CCBE1: variants seen among roughly 807,000 people sequenced by gnomAD.
The protein encoded by CCBE1 is collagen and calcium binding EGF domains 1, also known as collagen and calcium-binding EGF domain-containing protein 1.
CCBE1 carries 37 observed loss-of-function variants against 50.0 expected under a neutral mutation model. That is an observed-to-expected ratio of 0.74 (90% CI 0.57 to 0.97). The LOEUF is 0.97. Ranked by LOEUF, CCBE1 falls within the 50% of genes least tolerant of loss-of-function variation. CCBE1 has a pLI of 0.00. For synonymous variants in CCBE1, 234 were observed against 203.7 expected (o/e 1.15, Z -1.27); for missense variants, 538 against 523.8 (o/e 1.03, Z -0.26).
chr18:59,616,223 G>C (rs1373751940), intron 2 of CCBE1, among the ~76,000 whole-genome samples: 2 of 152,124 alleles, frequency 1.3e-5, no homozygotes, highest in Non-Finnish European at 2.9e-5. Context: ...GTGGGGGAGA[G>C]AGATCAAGAG....
chr18:59,669,468 G>A (rs898189015), intron 2 of CCBE1, among the ~76,000 whole-genome samples: 1 of 152,234 alleles, frequency 6.6e-6, no homozygotes, highest in African/African-American at 2.4e-5. Context: ...GCACTGGAAG[G>A]TGAGGTACAG....
chr18:59,561,408 G>A (rs1217531699), intron 2 of CCBE1, among the ~76,000 whole-genome samples: 1 of 152,198 alleles, frequency 6.6e-6, no homozygotes, highest in Non-Finnish European at 1.5e-5. Context: ...GGGGTGGAGT[G>A]TAAGTTACAT....
intron 6 of CCBE1, among the ~76,000 whole-genome samples, chr18:59,448,400 T>C (rs564633692): frequency 1.3e-5 from 2 of 152,224 alleles, no homozygotes; most frequent in African/African-American, 4.8e-5. Context: ...TCTACTTATT[T>C]CATACTCTCA....
At chr18:59,633,701 A>C (rs1333492272) in intron 2 of CCBE1, among the ~76,000 whole-genome samples, 23 of 152,160 alleles carry the variant, frequency 1.5e-4, no homozygotes, top group African/African-American at 5.3e-4. Flanking sequence ...CCATTCAAAG[A>C]CAGGCTGCTT....
At chr18:59,624,121 C>T (rs1034775531) in intron 2 of CCBE1, among the ~76,000 whole-genome samples, 5 of 152,252 alleles carry the variant, frequency 3.3e-5, no homozygotes, top group African/African-American at 1.2e-4. Flanking sequence ...AGACATCTAG[C>T]TGCCTGCCCA....
At chr18:59,513,558 G>A (rs1039204202) in intron 2 of CCBE1, among the ~76,000 whole-genome samples, 4 of 152,236 alleles carry the variant, frequency 2.6e-5, no homozygotes, top group African/African-American at 7.2e-5. Flanking sequence ...GCAGGTGGCA[G>A]GACAGGTGGC....
intron 2 of CCBE1, among the ~76,000 whole-genome samples, chr18:59,567,561 A>C (rs1198937850): frequency 6.6e-6 from 1 of 152,192 alleles, no homozygotes; most frequent in Non-Finnish European, 1.5e-5. Context: ...CCTTGACTCC[A>C]TCTCAAGACC....
chr18:59,640,945 G>A (rs536493471), intron 2 of CCBE1, among the ~76,000 whole-genome samples: 29 of 152,052 alleles, frequency 1.9e-4, no homozygotes, highest in Middle Eastern at 3.2e-3. Context: ...ATACCGTCTC[G>A]TACCAGTCAG....
chr18:59,443,611 T>G (rs1399977168), intron 7 of CCBE1, among the ~76,000 whole-genome samples: 2 of 148,590 alleles, frequency 1.3e-5, no homozygotes. Context: ...GGATTACAGG[T>G]GCCCACCACC....
At chr18:59,457,678 C>T (rs543468615) in intron 5 of CCBE1, among the ~76,000 whole-genome samples, 4 of 152,132 alleles carry the variant, frequency 2.6e-5, no homozygotes, top group African/African-American at 7.2e-5. Flanking sequence ...TGAGGTCTGG[C>T]GACTTCCTGA....
intron 2 of CCBE1, among the ~76,000 whole-genome samples, chr18:59,572,229 C>CA (rs1462426815): frequency 1.3e-5 from 2 of 152,200 alleles, no homozygotes; most frequent in Admixed American, 6.5e-5. Flanking sequence ...ATCAATCCCT[C>CA]AATCAGCTTG....
chr18:59,617,506 A>G (rs2053652482), intron 2 of CCBE1, among the ~76,000 whole-genome samples: 1 of 152,248 alleles, frequency 6.6e-6, no homozygotes, highest in African/African-American at 2.4e-5. Flanking sequence ...GAGAAATTGC[A>G]GTTTTCCACC....
chr18:59,616,670 G>A (rs2053640707), intron 2 of CCBE1, among the ~76,000 whole-genome samples: 1 of 152,100 alleles, frequency 6.6e-6, no homozygotes, highest in African/African-American at 2.4e-5. Flanking sequence ...TCAAAAGTTC[G>A]GTACACAAAA....
At chr18:59,532,749 C>T (rs367608683) in intron 2 of CCBE1, among the ~76,000 whole-genome samples, 1 of 152,224 alleles carries the variant, frequency 6.6e-6, no homozygotes, top group South Asian at 2.1e-4. Context: ...AGTTCATGTT[C>T]TTTCTACCAC....
At chr18:59,614,866 T>C (rs2144591542) in intron 2 of CCBE1, among the ~76,000 whole-genome samples, 1 of 152,356 alleles carries the variant, frequency 6.6e-6, no homozygotes, top group Admixed American at 6.5e-5. Context: ...TGTTAATATA[T>C]GAGAAGCATG....
Position 59,627,544 on chromosome 18 carries a change from G to A in CCBE1, c.212+69085C>T, listed in dbSNP as rs566463453. ...GTCTCTGCAGATGCCGTCAAGTTAA[G>A]ATGAGGTCACACTGGCTTAGAGCGG... On this transcript the variant is annotated intron_variant, in intron 2 of 10. Coordinates refer to ENST00000439986, the MANE Select transcript of CCBE1 (RefSeq NM_133459.4). Among the ~76,000 whole-genome samples, 3 of 152,310 alleles carry A rather than the reference G, an allele frequency of 2.0e-5. No homozygotes were observed. In the South Asian group the frequency reaches 6.2e-4, roughly 32 times the overall value.
intron 2 of CCBE1, among the ~76,000 whole-genome samples, chr18:59,655,524 C>G (rs140273051): frequency 6.8e-4 from 103 of 152,294 alleles, no homozygotes; most frequent in African/African-American, 2.4e-3. Context: ...TATGGAGATC[C>G]TTTGGGCTTT....
At chr18:59,486,131 A>G (rs146224644) in intron 2 of CCBE1, among the ~76,000 whole-genome samples, 205 of 152,264 alleles carry the variant, frequency 1.3e-3, no homozygotes, top group African/African-American at 4.6e-3. Context: ...CAGACTCCTC[A>G]TGGACAAAAC....
chr18:59,648,252 G>A (rs2054081391), intron 2 of CCBE1, among the ~76,000 whole-genome samples: 1 of 152,174 alleles, frequency 6.6e-6, no homozygotes, highest in African/African-American at 2.4e-5. Context: ...TCCATTTAAT[G>A]GTGGAGAAAA....
Sources: allele counts gnomAD v4.1 joint callset (sites outside exome capture counted in the v4.1 genomes callset), GRCh38; gene constraint gnomAD v4.1.1; transcripts MANE v1.5; gene names NCBI Gene and HGNC (gene_info 2026-07-23, HGNC 2026-07-21).